IL1RAPL2: variants seen among roughly 807,000 people sequenced by gnomAD.
IL1RAPL2 encodes the protein interleukin 1 receptor accessory protein like 2, also known as X-linked interleukin-1 receptor accessory protein-like 2.
In IL1RAPL2, 3 loss-of-function variants were observed where a neutral mutation model predicts 44.1. The observed-to-expected ratio is 0.07, with a 90% CI of 0.03 to 0.18. The LOEUF (loss-of-function observed/expected upper bound fraction) is 0.18. Ranked by LOEUF, IL1RAPL2 falls within the 10% of genes least tolerant of loss-of-function variation. The probability of loss-of-function intolerance (pLI) is 1.00; values close to 1 mark genes in which losing one functional copy is unlikely to be tolerated. For missense variants in IL1RAPL2, 391 were observed against 496.4 expected, an observed-to-expected ratio of 0.79 and a Z score of 2.02; for synonymous variants, 181 against 178.8, an observed-to-expected ratio of 1.01 and a Z score of -0.10.
chrX:104,728,509 C>T (rs940027365), intron 2 of IL1RAPL2, among the ~76,000 whole-genome samples: 1 of 111,314 alleles, frequency 9.0e-6, no homozygotes, highest in African/African-American at 3.3e-5. Context: ...TGTATTTGAC[C>T]TTACATTTGG....
intron 4 of IL1RAPL2, among the ~76,000 whole-genome samples, chrX:105,236,443 T>C (rs782787483): frequency 8.9e-6 from 1 of 112,554 alleles, no homozygotes; most frequent in East Asian, 2.8e-4. Context: ...TATGGCAAGC[T>C]GTGTTTTAGG....
intron 2 of IL1RAPL2, among the ~76,000 whole-genome samples, chrX:104,703,314 G>C (rs1302222589): frequency 1.8e-5 from 2 of 111,756 alleles, no homozygotes; most frequent in African/African-American, 6.5e-5. Flanking sequence ...GGGCATTCTT[G>C]ATCTTCTACT....
At chrX:105,190,475 T>G (rs1268367522) in intron 2 of IL1RAPL2, among the ~76,000 whole-genome samples, 1 of 112,427 alleles carries the variant, frequency 8.9e-6, no homozygotes, top group African/African-American at 3.2e-5. Flanking sequence ...CAATTGCCCT[T>G]TTAGCTCACA....
intron 2 of IL1RAPL2, among the ~76,000 whole-genome samples, chrX:104,963,645 C>G (rs913310589): frequency 9.0e-6 from 1 of 111,028 alleles, no homozygotes; most frequent in Admixed American, 9.6e-5. Context: ...AGGTAGTATA[C>G]GTCCTGAAAC....
intron 6 of IL1RAPL2, among the ~76,000 whole-genome samples, chrX:105,672,958 T>A (rs1161126011): frequency 9.0e-6 from 1 of 111,293 alleles, no homozygotes; most frequent in African/African-American, 3.3e-5. Flanking sequence ...CTGGTGTATA[T>A]GAGACACAAA....
intron 2 of IL1RAPL2, among the ~76,000 whole-genome samples, chrX:105,192,882 G>A (rs1603000777): frequency 8.9e-6 from 1 of 112,152 alleles, no homozygotes; most frequent in East Asian, 2.8e-4. Context: ...TAAGGCAAGG[G>A]AACAGAAGAA....
At chrX:104,836,915 A>T (rs1662686438) in intron 2 of IL1RAPL2, among the ~76,000 whole-genome samples, 1 of 109,967 alleles carries the variant, frequency 9.1e-6, no homozygotes, top group African/African-American at 3.3e-5. Context: ...TAATGGCCCC[A>T]GTATGTGATG....
intron 2 of IL1RAPL2, among the ~76,000 whole-genome samples, chrX:104,783,108 G>A (rs1932782757): frequency 8.9e-6 from 1 of 112,085 alleles, no homozygotes. Context: ...TTGGATTGTG[G>A]AGGAAATCAA....
At chrX:104,715,106 G>C (rs1384994255) in intron 2 of IL1RAPL2, among the ~76,000 whole-genome samples, 1 of 110,181 alleles carries the variant, frequency 9.1e-6, no homozygotes, top group Non-Finnish European at 1.9e-5. Flanking sequence ...AATCTATCTG[G>C]TCCTGGGCTT....
At chrX:105,750,550 C>T (rs1168207080) in intron 9 of IL1RAPL2, among the ~76,000 whole-genome samples, 1 of 107,417 alleles carries the variant, frequency 9.3e-6, no homozygotes, top group Non-Finnish European at 1.9e-5. Context: ...AAGTAATCCT[C>T]TGGACTTAGC....
At chrX:105,289,709 G>T (rs1363526115) in intron 5 of IL1RAPL2, among the ~76,000 whole-genome samples, 1 of 111,519 alleles carries the variant, frequency 9.0e-6, no homozygotes, top group Non-Finnish European at 1.9e-5. Flanking sequence ...CATTTGAGAT[G>T]CCTCTTAGAC....
At chrX:105,750,381 C>T (rs1438295593) in intron 9 of IL1RAPL2, among the ~76,000 whole-genome samples, 2 of 104,289 alleles carry the variant, frequency 1.9e-5, no homozygotes, top group East Asian at 5.9e-4. Context: ...TCAAGCAATC[C>T]TCCTGCCTCA....
intron 2 of IL1RAPL2, among the ~76,000 whole-genome samples, chrX:104,944,141 C>G (rs1208669240): frequency 9.0e-6 from 1 of 111,292 alleles, no homozygotes; most frequent in East Asian, 2.8e-4. Context: ...TAACAATATG[C>G]CCGCTATCCA....
chrX:105,473,026 T>C (rs896283807), intron 5 of IL1RAPL2, among the ~76,000 whole-genome samples: 3 of 111,702 alleles, frequency 2.7e-5, no homozygotes, highest in African/African-American at 9.7e-5. Context: ...GGCCTTTAAT[T>C]TCCTCAACCA....
intron 2 of IL1RAPL2, among the ~76,000 whole-genome samples, chrX:104,887,332 A>G (rs996197669): frequency 5.3e-5 from 6 of 112,221 alleles, no homozygotes; most frequent in Non-Finnish European, 1.1e-4. Flanking sequence ...ACTTCTCTTT[A>G]TACGTCACAG....
intron 2 of IL1RAPL2, among the ~76,000 whole-genome samples, chrX:105,118,375 C>T (rs1336531638): frequency 8.9e-6 from 1 of 112,252 alleles, no homozygotes; most frequent in Non-Finnish European, 1.9e-5. Context: ...AGGACATCCC[C>T]AGGAAGCCAC....
At chrX:105,484,137 G>T (rs1221693769) in intron 5 of IL1RAPL2, among the ~76,000 whole-genome samples, 176 bp from the exon 6 acceptor site, 1 of 111,627 alleles carries the variant, frequency 9.0e-6, no homozygotes, top group African/African-American at 3.3e-5. Flanking sequence ...TAAATGTGCT[G>T]GGAAATGGAT....
intron 6 of IL1RAPL2, among the ~76,000 whole-genome samples, chrX:105,681,244 G>C (rs1403610799): frequency 9.0e-6 from 1 of 110,930 alleles, no homozygotes. Context: ...GACTTGCTTT[G>C]GGGGAGAACA....
chrX:105,661,257 G>T (rs958378094), intron 6 of IL1RAPL2, among the ~76,000 whole-genome samples: 7 of 111,815 alleles, frequency 6.3e-5, no homozygotes, highest in Admixed American at 1.9e-4. Flanking sequence ...ACACAACAAT[G>T]GATATCCCAG....
Sources: gnomAD v4.1 joint callset for allele counts (sites outside exome capture counted in the v4.1 genomes callset) on GRCh38, gnomAD v4.1.1 for gene constraint, MANE v1.5 for transcripts, NCBI Gene and HGNC (gene_info 2026-07-23, HGNC 2026-07-21) for gene names.